Variants in VPS13D observed in about 807,000 individuals in gnomAD.
VPS13D encodes intermembrane lipid transfer protein VPS13D.
VPS13D carries 187 observed loss-of-function variants against 461.9 expected under a neutral mutation model. The ratio of observed to expected loss-of-function variants is 0.40; its 90% confidence interval spans 0.36 to 0.46. The LOEUF (loss-of-function observed/expected upper bound fraction) is 0.46. VPS13D is among the 20% of genes least tolerant of loss of function. The probability of loss-of-function intolerance (pLI) is 0.60; values close to 1 mark genes in which losing one functional copy is unlikely to be tolerated. For missense variants in VPS13D, 4,711 were observed against 5,364.9 expected (o/e 0.88, Z 3.81); for synonymous variants, 1,951 against 1,986.3 (o/e 0.98, Z 0.47).
At chr1:12,252,772 C>CAA (rs1194843615) in intron 6 of VPS13D, among the ~76,000 whole-genome samples, 12 of 68,248 alleles carry the variant, frequency 1.8e-4, no homozygotes, top group Admixed American at 5.0e-4. Flanking sequence ...ATTCTGTCTC[C>CAA]AAAAAAAAAA....
At chr1:12,368,839 T>C (rs1277514178) in intron 53 of VPS13D, among the ~76,000 whole-genome samples, 1 of 152,198 alleles carries the variant, frequency 6.6e-6, no homozygotes, top group African/African-American at 2.4e-5. Flanking sequence ...TTTATTTATT[T>C]TGGCTAGAGT....
At chr1:12,309,212 C>CTTTTT (rs201262655) in intron 27 of VPS13D, among the ~76,000 whole-genome samples, 2 of 131,052 alleles carry the variant, frequency 1.5e-5, no homozygotes, top group African/African-American at 2.8e-5. Flanking sequence ...TCTTTTTTTT[C>CTTTTT]TTTTTTTTTT....
At chr1:12,400,897 C>T (rs894670844) in intron 61 of VPS13D, among the ~76,000 whole-genome samples, 6 of 148,334 alleles carry the variant, frequency 4.0e-5, no homozygotes, top group South Asian at 4.4e-4. Context: ...GAGGCTACAG[C>T]GAGTCACGAT....
Position 12,311,609 on chromosome 1 carries a change from A to C in VPS13D, c.6806A>C (p.Gln2269Pro). 6.2e-7 allele frequency: 1 copy of C among 1,614,122 alleles called. No individual in the cohort carries two copies. The highest frequency in any genetic ancestry group is 1.7e-5 in the Admixed American group (1 of 60,022). Residue 2269 changes from glutamine to proline, a missense_variant, in exon 28 of 70, where the codon CAA becomes CCA. Physicochemically the swap from Gln to Pro is moderately conservative, Grantham distance 76. Transcript: ENST00000620676. The part of the protein sequence containing the change: ...IEEFMRPYDL[Q>P]DPRIHTVLSG... ...GAATTTATGCGGCCTTATGATTTACAAGATCCAAGAATTCATGTGAGTGAG... is the reference window on the plus strand; with the variant it reads ...GAATTTATGCGGCCTTATGATTTACCAGATCCAAGAATTCATGTGAGTGAG...
chr1:12,309,246 C>G (rs1307346458), intron 27 of VPS13D, among the ~76,000 whole-genome samples: 1 of 140,568 alleles, frequency 7.1e-6, no homozygotes, highest in Non-Finnish European at 1.5e-5. Flanking sequence ...GAGTCTCACT[C>G]TGTCACCAGG....
intron 52 of VPS13D, 97 bp from the exon 53 acceptor site, chr1:12,368,371 C>CCAAA (rs1418391227): frequency 1.7e-5 from 25 of 1,438,764 alleles, no homozygotes; most frequent in Non-Finnish European, 2.3e-5. Flanking sequence ...TGACTGAGGC[C>CCAAA]CAAACAGTGT....
chr1:12,472,844 T>C (rs1354974440), intron 67 of VPS13D, among the ~76,000 whole-genome samples: 9 of 152,246 alleles, frequency 5.9e-5, no homozygotes, highest in Non-Finnish European at 1.3e-4. Flanking sequence ...TTATCTCATT[T>C]AGGCATCACA....
intron 46 of VPS13D, among the ~76,000 whole-genome samples, chr1:12,351,161 AG>A (rs1643784524): frequency 6.6e-6 from 1 of 152,238 alleles, no homozygotes; most frequent in Non-Finnish European, 1.5e-5. Flanking sequence ...AAAATAGAAG[AG>A]GAAAGAACAA....
chr1:12,267,577 G>A (rs1445317287), intron 14 of VPS13D, among the ~76,000 whole-genome samples: 1 of 152,128 alleles, frequency 6.6e-6, no homozygotes, highest in East Asian at 1.9e-4. Context: ...TGAAAAGTTA[G>A]ACATGTTTAA....
Position 12,403,951 on chromosome 1 carries a change from A to C in VPS13D, c.12008A>C (p.Asn4003Thr), listed in dbSNP as rs751542293. The C allele has an allele frequency of 6.2e-7, 1 of 1,602,890 alleles. No homozygotes were observed. Among genetic ancestry groups the C allele is most frequent in the East Asian group, 2.2e-5 (1 of 44,576 alleles). ...ATCAAGCTAAGTGTGTTCACCTCCA[A>C]CAAGCTCCCATTGGATCTTAAGGTG... ...PQIKLSVFTS[N>T]KLPLDLKALK... The change falls in exon 63 of 70, where the codon AAC (asparagine) becomes ACC (threonine). Residue 4003 changes from asparagine (N) to threonine (T), a missense_variant. By Grantham distance (65) the Asn-to-Thr change is moderately conservative. Coordinates refer to ENST00000620676, the MANE Select transcript of VPS13D (RefSeq NM_015378.4).
chr1:12,385,658 T>C (rs1644341433), intron 59 of VPS13D, among the ~76,000 whole-genome samples: 1 of 152,226 alleles, frequency 6.6e-6, no homozygotes, highest in African/African-American at 2.4e-5. Context: ...AATTTTTTGT[T>C]TTTTGCTTCA....
At chr1:12,412,827 A>G (rs1245317433) in intron 63 of VPS13D, among the ~76,000 whole-genome samples, 1 of 152,230 alleles carries the variant, frequency 6.6e-6, no homozygotes, top group Non-Finnish European at 1.5e-5. Flanking sequence ...AGACTGTCTG[A>G]TCATTAAAAG....
At position 12,403,926 on chromosome 1, in the gene VPS13D, A is replaced by G; in HGVS notation, c.11983A>G (p.Ile3995Val). 1 of 1,613,628 alleles carries G rather than the reference A, an allele frequency of 6.2e-7. No individual in the cohort carries two copies. Residue 3995 changes from isoleucine (I) to valine (V), a missense_variant, in exon 63 of 70, where the codon ATC (isoleucine) becomes GTC (valine). Coordinates refer to ENST00000620676, the MANE Select transcript of VPS13D (RefSeq NM_015378.4). ...AAATCTCAAAATCAGCATTCCTCAG[A>G]TCAAGCTAAGTGTGTTCACCTCCAA... Reference protein sequence around the residue: ...FENLKISIPQIKLSVFTSNKL... With the variant: ...FENLKISIPQVKLSVFTSNKL...
chr1:12,234,381 T>C lies in VPS13D; in HGVS notation c.97+18T>C, dbSNP rs1640080152. 7 of 1,595,866 alleles carry C rather than the reference T, an allele frequency of 4.4e-6. No individual in the cohort carries two copies. The highest frequency in any genetic ancestry group is 2.2e-5 in the South Asian group (2 of 90,338). ...TCTCAAAGGTGAGTATTTCTCTGGG[T>C]GAGATACAGCTTTATAGGTGGCGTT... On this transcript the variant is annotated intron_variant, in intron 2 of 69. Transcript: ENST00000620676.
rs182022572 is a variant in VPS13D at position 12,279,976 on chromosome 1, T to C, written c.4602+326T>C. Among the ~76,000 whole-genome samples the C allele has an allele frequency of 1.3e-5, 2 of 152,318 alleles. No individual in the cohort carries two copies. Among genetic ancestry groups the C allele is most frequent in the Admixed American group, 1.3e-4 (2 of 15,304 alleles). On this transcript the variant is annotated intron_variant, in intron 20 of 69. Transcript: ENST00000620676. This position sits in a 1 kb window ranked among gnomAD's most constrained non-coding sequence, Gnocchi z 4.3. ...CTTTCCCAGGAGGATATCATTCTTGTCACACTTAGACATACTTAACACAGC... is the reference window on the plus strand; with the variant it reads ...CTTTCCCAGGAGGATATCATTCTTGCCACACTTAGACATACTTAACACAGC...
At chr1:12,466,144 A>AAT (rs1381348630) in intron 67 of VPS13D, among the ~76,000 whole-genome samples, 1 of 152,116 alleles carries the variant, frequency 6.6e-6, no homozygotes, top group Non-Finnish European at 1.5e-5. Flanking sequence ...AAAAAAAAAA[A>AAT]AAAATAGTCT....
At chr1:12,443,410 T>G (rs1010011727) in intron 65 of VPS13D, among the ~76,000 whole-genome samples, 3 of 152,260 alleles carry the variant, frequency 2.0e-5, no homozygotes, top group Non-Finnish European at 4.4e-5. Context: ...GTGTTTTTGC[T>G]GGCATGAACT....
intron 50 of VPS13D, among the ~76,000 whole-genome samples, chr1:12,361,164 A>T (rs1643941154): frequency 6.6e-6 from 1 of 152,156 alleles, no homozygotes; most frequent in African/African-American, 2.4e-5. Context: ...GATTCAGTGT[A>T]AAGCCTTTGG....
chr1:12,269,783 A>G (rs944982004), intron 16 of VPS13D, among the ~76,000 whole-genome samples: 3 of 152,140 alleles, frequency 2.0e-5, no homozygotes, highest in African/African-American at 4.8e-5. Flanking sequence ...TAGTTTTTGG[A>G]CTAGTTTTTT....
Sources: allele counts gnomAD v4.1 joint callset (sites outside exome capture counted in the v4.1 genomes callset), GRCh38; gene constraint gnomAD v4.1.1; non-coding constraint Gnocchi (gnomAD v3.1); transcripts MANE v1.5; gene names NCBI Gene and HGNC (gene_info 2026-07-23, HGNC 2026-07-21).